C7: variants seen among roughly 807,000 people sequenced by gnomAD.
C7 encodes complement C7, also known as complement component C7.
Under a neutral mutation model 104.8 loss-of-function variants are expected in C7, and 83 were observed. That is an observed-to-expected ratio of 0.79 (90% CI 0.66 to 0.95). The LOEUF (loss-of-function observed/expected upper bound fraction) is 0.95, where lower values mean the gene tolerates loss of function less well. Ranked by LOEUF, C7 falls within the 40% of genes least tolerant of loss-of-function variation. C7 has a pLI of 0.00. For missense variants in C7, 1,070 were observed against 1,011.2 expected (o/e 1.06, Z -0.79); for synonymous variants, 415 against 360.6 (o/e 1.15, Z -1.71).
intron 2 of C7, among the ~76,000 whole-genome samples, chr5:40,930,001 C>T (rs559430886): frequency 1.1e-3 from 172 of 152,176 alleles, no homozygotes; most frequent in African/African-American, 4.0e-3. Flanking sequence ...AACCTTGCTC[C>T]TTTCAAAGGC....
Position 40,982,615 on chromosome 5 carries a change from T to C in C7, c.*1042T>C, listed in dbSNP as rs1381725573. The C allele has an allele frequency of 3.3e-5, 5 of 152,368 alleles. No individual in the cohort carries two copies. The highest frequency in any genetic ancestry group is 7.3e-5 in the Non-Finnish European group (5 of 68,048). 9.4% of individuals were successfully genotyped at this position (152,368 alleles called of 1,614,324 possible). On this transcript the variant is annotated 3_prime_UTR_variant, in exon 18 of 18. Coordinates refer to ENST00000313164, the MANE Select transcript of C7 (RefSeq NM_000587.4). ...AAGTTTGCCCCTGTTCTTTTTTCTT[T>C]TGAAAGAACATCAGTTCATGCCTGA... is the stretch of plus-strand genomic sequence containing the variant.
At chr5:40,971,269 A>G (rs1740692676) in intron 14 of C7, among the ~76,000 whole-genome samples, 1 of 152,172 alleles carries the variant, frequency 6.6e-6, no homozygotes, top group Admixed American at 6.5e-5. Context: ...CTTTTTAATG[A>G]TCACCATTCT....
At position 40,984,059 on chromosome 5, in the gene C7, C is replaced by T. The variant is rs1430576642; in HGVS notation, c.*2486C>T. 6.6e-6 allele frequency among the ~76,000 whole-genome samples: 1 copy of T among 152,188 alleles called. No homozygotes were observed. The highest frequency in any genetic ancestry group is 2.4e-5 in the African/African-American group (1 of 41,446). On this transcript the variant is annotated 3_prime_UTR_variant, in exon 18 of 18. Transcript: ENST00000313164. ...TCATCGCTTACCACTCATGAGGACG[C>T]TACAAGTTACCTGGGCAGAGAAGGT...
chr5:40,924,860 G>A (rs1435731543), intron 1 of C7, among the ~76,000 whole-genome samples: 1 of 152,200 alleles, frequency 6.6e-6, no homozygotes, highest in Admixed American at 6.5e-5. Flanking sequence ...GTGCAGGGCA[G>A]CAAGACCCTG....
chr5:40,915,239 A>G (rs923159325), intron 1 of C7, among the ~76,000 whole-genome samples: 2 of 152,324 alleles, frequency 1.3e-5, no homozygotes, highest in African/African-American at 2.4e-5. Flanking sequence ...GGATCAGTCA[A>G]GCAAGATTCT....
chr5:40,940,049 A>T (rs1219328374), intron 6 of C7, among the ~76,000 whole-genome samples: 1 of 152,204 alleles, frequency 6.6e-6, no homozygotes, highest in Non-Finnish European at 1.5e-5. Flanking sequence ...GCAAATGCTA[A>T]ACTCAGGTGT....
At chr5:40,962,901 T>C (rs1021656789) in intron 13 of C7, among the ~76,000 whole-genome samples, 5 of 152,146 alleles carry the variant, frequency 3.3e-5, no homozygotes, top group Non-Finnish European at 5.9e-5. Flanking sequence ...TGAACATGCA[T>C]TCACTGAAAA....
intron 1 of C7, among the ~76,000 whole-genome samples, chr5:40,919,041 A>G (rs1739385716): frequency 6.6e-6 from 1 of 151,798 alleles, no homozygotes; most frequent in Non-Finnish European, 1.5e-5. Context: ...TCAAGTGCAC[A>G]CAGAACTTTC....
At chr5:40,949,864 G>T in intron 8 of C7, 40 bp from the exon 9 acceptor site, 1 of 1,243,558 alleles carries the variant, frequency 8.0e-7, no homozygotes, top group Non-Finnish European at 1.2e-6. Context: ...TTCAAGGAAT[G>T]CAGAAATTAA....
intron 8 of C7, 82 bp from the exon 9 acceptor site, chr5:40,949,822 A>G: frequency 2.4e-6 from 2 of 841,812 alleles, no homozygotes; most frequent in Middle Eastern, 3.3e-4. Context: ...GCAGCAAACA[A>G]CCTCTTATCC....
At chr5:40,911,585 TC>T (rs1739207981) in intron 1 of C7, among the ~76,000 whole-genome samples, 2 of 152,166 alleles carry the variant, frequency 1.3e-5, no homozygotes, top group Admixed American at 1.3e-4. Flanking sequence ...CAGTAATGTC[TC>T]AAATCAGGAT....
intron 1 of C7, among the ~76,000 whole-genome samples, chr5:40,915,981 T>C (rs1739308137): frequency 6.6e-6 from 1 of 152,200 alleles, no homozygotes; most frequent in Non-Finnish European, 1.5e-5. Context: ...AAATGTGAGA[T>C]GATTTTAAAG....
In C7 at chr5:40,958,030, T is replaced by C. The variant is rs769010259; in HGVS notation, c.1261-3T>C. 3.1e-6 allele frequency: 5 copies of C among 1,606,164 alleles called. No individual in the cohort carries two copies. Among genetic ancestry groups the C allele is most frequent in the East Asian group, 2.2e-5 (1 of 44,844 alleles). ...ACTGACTATAATGTCTTTATCTCTA[T>C]AGCTGACACCTTTATATGAGCTGGT... On this transcript the variant is annotated splice_polypyrimidine_tract_variant and splice_region_variant and intron_variant, in intron 10 of 17. Coordinates refer to ENST00000313164, the MANE Select transcript of C7 (RefSeq NM_000587.4).
In C7 at chr5:40,984,184, G is replaced by A. The variant is rs77189730; in HGVS notation, c.*2611G>A. ...GTAGTGCTGCTTCTCTAAGCCCTGA[G>A]ATTTAATGAGCCCCATTCAAACTGT... On this transcript the variant is annotated 3_prime_UTR_variant, in exon 18 of 18. Transcript: ENST00000313164. Among the ~76,000 whole-genome samples, 1 of 152,162 alleles carries A rather than the reference G, an allele frequency of 6.6e-6. No individual in the cohort carries two copies. The highest frequency in any genetic ancestry group is 6.5e-5 in the Admixed American group (1 of 15,278).
At chr5:40,959,702 C>T (rs1018728641) in intron 12 of C7, 82 bp downstream of exon 12, 25 of 1,111,722 alleles carry the variant, frequency 2.2e-5, no homozygotes, top group Middle Eastern at 3.1e-4. Flanking sequence ...TTGCTGCTGT[C>T]GAGAGATTTA....
At chr5:40,959,393 TA>T in intron 11 of C7, 55 bp from the exon 12 acceptor site, 1 of 1,506,014 alleles carries the variant, frequency 6.6e-7, no homozygotes, top group South Asian at 1.2e-5. Context: ...AGCATAGCAC[TA>T]AGTTCCCAAG....
chr5:40,984,199 A>G lies in C7; in HGVS notation c.*2626A>G, dbSNP rs567032617. ...TAAGCCCTGAGATTTAATGAGCCCCATTCAAACTGTTATTAATGTAACCTT... is the reference window on the plus strand; with the variant it reads ...TAAGCCCTGAGATTTAATGAGCCCCGTTCAAACTGTTATTAATGTAACCTT... On this transcript the variant is annotated 3_prime_UTR_variant, in exon 18 of 18. Transcript: ENST00000313164. 3.3e-5 allele frequency among the ~76,000 whole-genome samples: 5 copies of G among 152,320 alleles called. No homozygotes were observed. Among genetic ancestry groups the G allele is most frequent in the Admixed American group, 3.3e-4 (5 of 15,300 alleles).
Position 40,928,627 on chromosome 5 carries a change from T to A in C7, c.54T>A (p.Ser18Arg). 1.3e-6 allele frequency: 2 copies of A among 1,548,174 alleles called. No individual in the cohort carries two copies. The highest frequency in any genetic ancestry group is 1.8e-6 in the Non-Finnish European group (2 of 1,141,598). The change falls in exon 2 of 18, where the codon AGT becomes AGA. Residue 18 changes from serine (S) to arginine (R), a missense_variant. Coordinates refer to ENST00000313164, the MANE Select transcript of C7 (RefSeq NM_000587.4). ...ILVGFIGEFQ[S>R]FSSASSPVNC... Reference sequence around the variant, plus strand: ...TGGGATTTATAGGAGAGTTCCAAAGTTTTTCAAGGTGAGGACTTTTTGGGT... The same window carrying A: ...TGGGATTTATAGGAGAGTTCCAAAGATTTTCAAGGTGAGGACTTTTTGGGT...
At chr5:40,956,604 C>T (rs1452353280) in intron 10 of C7, among the ~76,000 whole-genome samples, 3 of 152,202 alleles carry the variant, frequency 2.0e-5, no homozygotes, top group African/African-American at 4.8e-5. Context: ...GGAACAAATT[C>T]CCCTTATCAA....
Sources: allele counts gnomAD v4.1 joint callset (sites outside exome capture counted in the v4.1 genomes callset), GRCh38; gene constraint gnomAD v4.1.1; transcripts MANE v1.5; gene names NCBI Gene and HGNC (gene_info 2026-07-23, HGNC 2026-07-21).